Variants in SLC2A5 observed in about 807,000 individuals in gnomAD.
SLC2A5 encodes solute carrier family 2 member 5.
In SLC2A5, 56 loss-of-function variants were observed where a neutral mutation model predicts 50.3. The observed-to-expected ratio is 1.11, with a 90% CI of 0.90 to 1.39. The LOEUF (loss-of-function observed/expected upper bound fraction) is 1.39. Ranked by LOEUF, SLC2A5 falls within the 40% of genes most tolerant of loss-of-function variation. The pLI is 0.00. For synonymous variants in SLC2A5, 269 were observed against 281.9 expected (o/e 0.95, Z 0.46); for missense variants, 566 against 650.1 (o/e 0.87, Z 1.41).
chr1:9,069,201 TA>T (rs1204165020), intron 1 of SLC2A5, among the ~76,000 whole-genome samples: 1 of 152,232 alleles, frequency 6.6e-6, no homozygotes, highest in African/African-American at 2.4e-5. Flanking sequence ...ATTTTGCAGC[TA>T]ACATGTTTGG....
chr1:9,084,942 T>G (rs1235049931), intron 2 of SLC2A5: 5 of 152,316 alleles, frequency 3.3e-5, no homozygotes, highest in Non-Finnish European at 7.3e-5. Flanking sequence ...TGCTCTAGGC[T>G]TTTCCTGAAT....
intron 5 of SLC2A5, chr1:9,041,125 G>T: frequency 2.9e-6 from 1 of 350,154 alleles, no homozygotes; most frequent in Non-Finnish European, 5.1e-6. Flanking sequence ...TGATCCACTT[G>T]ACTGACTTGC....
chr1:9,048,778 T>C (rs1417401316), intron 3 of SLC2A5, among the ~76,000 whole-genome samples: 4 of 151,824 alleles, frequency 2.6e-5, no homozygotes, highest in African/African-American at 9.7e-5. Context: ...ACCTCAGCCT[T>C]CCAAGTAGCT....
rs1035110801 is a variant in SLC2A5 at position 9,043,505 on chromosome 1, T to G, written c.419-1568A>C. ...GAGGAAAGGAAGGCCTCCTGGGAGC[T>G]GAAGTGGGAGGCTGTGTCCTCACCA... On this transcript the variant is annotated intron_variant, in intron 4 of 11. Transcript: ENST00000377424. 1.3e-5 allele frequency among the ~76,000 whole-genome samples: 2 copies of G among 152,094 alleles called. 1 individual carries two copies. Among genetic ancestry groups the G allele is most frequent in the South Asian group, 4.1e-4 (2 of 4,824 alleles).
At chr1:9,058,127 C>T (rs967387777) in intron 2 of SLC2A5, 25 bp downstream of exon 2, 1 of 1,569,782 alleles carries the variant, frequency 6.4e-7, no homozygotes, top group Non-Finnish European at 8.8e-7. Context: ...GTCCTCCCCA[C>T]ATCTTGCTCA....
At chr1:9,041,398 G>C in intron 5 of SLC2A5, 1 of 1,049,460 alleles carries the variant, frequency 9.5e-7, no homozygotes, top group East Asian at 3.2e-5. Flanking sequence ...CTGAGTCCCA[G>C]GCAGCAGCGT....
intron 4 of SLC2A5, among the ~76,000 whole-genome samples, chr1:9,045,756 G>C (rs1641418164): frequency 6.6e-6 from 1 of 151,534 alleles, no homozygotes; most frequent in African/African-American, 2.4e-5. Context: ...TGTAATCCCA[G>C]CTACTCAGGA....
chr1:9,093,712 A>G, the SLC2A5 span, among the ~76,000 whole-genome samples: 2 of 152,184 alleles, frequency 1.3e-5, no homozygotes, highest in African/African-American at 4.8e-5. Context: ...TGCTCAAACT[A>G]GAACGCTCTA....
At chr1:9,078,049 A>T (rs2124474482) in intron 2 of SLC2A5, among the ~76,000 whole-genome samples, 1 of 152,334 alleles carries the variant, frequency 6.6e-6, no homozygotes, top group Non-Finnish European at 1.5e-5. Context: ...GGGGAGGATT[A>T]TCCACTAGTT....
the SLC2A5 span, among the ~76,000 whole-genome samples, chr1:9,093,797 T>C: frequency 6.6e-6 from 1 of 152,270 alleles, no homozygotes; most frequent in South Asian, 2.1e-4. Context: ...CTTACCGCTG[T>C]CTTCCTCAGC....
At chr1:9,092,971 C>T (rs1247741544), upstream of SLC2A5, among the ~76,000 whole-genome samples, 1 of 152,186 alleles carries the variant, frequency 6.6e-6, no homozygotes, top group African/African-American at 2.4e-5. Flanking sequence ...ACGTAAGCCT[C>T]TAATGCTCAG....
At chr1:9,090,662 T>C (rs146515021), upstream of SLC2A5, among the ~76,000 whole-genome samples, 54 of 152,338 alleles carry the variant, frequency 3.5e-4, no homozygotes, top group East Asian at 8.1e-3. Context: ...ATGCCTTTTT[T>C]ACTATCCCTC....
At chr1:9,053,262 TATTTATATTATATATTTATATATTGTA>T (rs1641644618) in intron 3 of SLC2A5, among the ~76,000 whole-genome samples, 1 of 14,006 alleles carries the variant, frequency 7.1e-5, no homozygotes, top group African/African-American at 3.7e-4. Flanking sequence ...ATATATTATA[TATTTATATTATATATTTATATATTGTA>T]TATTTATATT....
intron 2 of SLC2A5, among the ~76,000 whole-genome samples, chr1:9,077,693 C>T (rs900145822): frequency 5.2e-5 from 7 of 133,958 alleles, no homozygotes; most frequent in Non-Finnish European, 9.5e-5. Flanking sequence ...TGCAGTGAGC[C>T]GAGATCATTC....
chr1:9,039,486 C>T, intron 8 of SLC2A5, 66 bp downstream of exon 8: 1 of 1,232,412 alleles, frequency 8.1e-7, no homozygotes, highest in Non-Finnish European at 1.1e-6. Flanking sequence ...TTGGCGGCGC[C>T]GAGGCTGGGG....
Position 9,037,907 on chromosome 1 carries a change from G to A in SLC2A5, c.1292C>T (p.Pro431Leu), listed in dbSNP as rs147771907. Reference protein sequence around the residue: ...LSNFTVGLIFPFIQEGLGPYS... With the variant: ...LSNFTVGLIFLFIQEGLGPYS... ...CCGGGCCCCACTCACCTGGATGAAC[G>A]GGAAGATCAAGCCCACGGTGAAGTT... The change falls in exon 11 of 12, where the codon CCG (proline) becomes CTG (leucine). Residue 431 changes from proline (P) to leucine (L), a missense_variant. Pro to Leu is a moderately conservative substitution (Grantham distance 98). Coordinates refer to ENST00000377424, the MANE Select transcript of SLC2A5 (RefSeq NM_003039.3). The A allele has an allele frequency of 1.8e-4, 294 of 1,613,802 alleles. No individual in the cohort carries two copies. The African/African-American group carries it at 3.3e-3, about 18-fold the overall frequency.
upstream of SLC2A5, among the ~76,000 whole-genome samples, chr1:9,088,655 T>C (rs12742056): frequency 0.18 from 27,928 of 151,960 alleles, 2,929 homozygotes; most frequent in East Asian, 0.46. Context: ...TGGTGGCGGG[T>C]GCCTGTAGTC....
chr1:9,063,197 T>C (rs937783057), intron 1 of SLC2A5, among the ~76,000 whole-genome samples: 3 of 152,204 alleles, frequency 2.0e-5, no homozygotes. Flanking sequence ...TATTTCACTT[T>C]GGTGATAAAT....
upstream of SLC2A5, among the ~76,000 whole-genome samples, chr1:9,091,965 T>C (rs1181794682): frequency 6.6e-5 from 10 of 152,330 alleles, 4 homozygotes; most frequent in Admixed American, 6.5e-4. Context: ...ATTCTAAATA[T>C]GCCTATAACA....
Sources: allele counts gnomAD v4.1 joint callset (sites outside exome capture counted in the v4.1 genomes callset), GRCh38; gene constraint gnomAD v4.1.1; transcripts MANE v1.5; gene names NCBI Gene and HGNC (gene_info 2026-07-23, HGNC 2026-07-21).